The following DHTKD1 variants were observed in gnomAD, a reference collection of about 807,000 sequenced individuals.
The protein encoded by DHTKD1 is dehydrogenase E1 and transketolase domain containing 1.
A neutral mutation model predicts 101.8 loss-of-function variants in DHTKD1; 78 were observed. That is an observed-to-expected ratio of 0.77 (90% CI 0.64 to 0.93). DHTKD1 has a LOEUF of 0.93. Among genes scored for constraint, DHTKD1 ranks in the 40% least tolerant of loss-of-function variants. The probability of loss-of-function intolerance (pLI) is 0.00; values close to 1 mark genes in which losing one functional copy is unlikely to be tolerated. For synonymous variants in DHTKD1, 462 were observed against 450.3 expected (o/e 1.03, Z -0.33); for missense variants, 1,223 against 1,161.7 (o/e 1.05, Z -0.77).
chr10:12,118,888 C>T lies in DHTKD1; in HGVS notation c.2542C>T (p.Gln848Ter), dbSNP rs1257876078. Residue 848 changes from glutamine (Q) to a stop codon, truncating the protein, a stop_gained, in exon 15 of 17, where the codon CAA becomes TAA. Coordinates refer to ENST00000263035, the MANE Select transcript of DHTKD1 (RefSeq NM_018706.7). LOFTEE classifies it high-confidence loss of function. ...LCPFPLDSLQ[Q>*]EMSKYKHVKD... ...CCCCTTCCCGTTGGATTCTTTACAG[C>T]AAGAGATGAGCAAATACAAACATGT... is the stretch of plus-strand genomic sequence containing the variant. The T allele has an allele frequency of 1.3e-6, 2 of 1,597,680 alleles. No individual in the cohort carries two copies. Among genetic ancestry groups the T allele is most frequent in the Non-Finnish European group, 1.7e-6 (2 of 1,172,916 alleles).
chr10:12,087,424 TGGCCACTTGGGGAGTGTGG>T lies in DHTKD1; in HGVS notation c.523-105_523-87del. 1.2e-6 allele frequency: 1 copy of T among 836,070 alleles called. No homozygotes were observed. The highest frequency in any genetic ancestry group is 1.9e-6 in the Non-Finnish European group (1 of 533,252). The allele number at this position is 836,070 out of a possible 1,614,324, so 51.8% of individuals were successfully genotyped here. A position where few individuals can be genotyped will look rare whatever the true frequency, so the allele number is the denominator to read the frequency against. On this transcript the variant is annotated intron_variant, in intron 3 of 16. Transcript: ENST00000263035. The surrounding 1 kb of genome is among the most constrained non-coding windows in gnomAD (Gnocchi z 5.2). ...GATATGTAGTAAAGTGGCATTGCTG[TGGCCACTTGGGGAGTGTGG>T]GGCCATCTCACAACACACACAGACT...
At chr10:12,089,280 G>C (rs1246384153) in intron 5 of DHTKD1, 25 bp downstream of exon 5, 1 of 1,603,328 alleles carries the variant, frequency 6.2e-7, no homozygotes, top group Admixed American at 1.7e-5. Flanking sequence ...TGAAATTGAG[G>C]CCAGAGGTGG....
intron 1 of DHTKD1, among the ~76,000 whole-genome samples, chr10:12,080,710 GAA>G (rs35514505): frequency 1.5e-4 from 20 of 136,314 alleles, no homozygotes; most frequent in South Asian, 2.2e-4. Flanking sequence ...GACAATGTCT[GAA>G]AAAAAAAAAA....
intron 1 of DHTKD1, among the ~76,000 whole-genome samples, chr10:12,080,939 C>T (rs946657561): frequency 8.6e-5 from 13 of 151,374 alleles, no homozygotes; most frequent in South Asian, 2.1e-4. Context: ...TGGTGGTGCA[C>T]GCCTGTAGTC....
Position 12,084,768 on chromosome 10 carries a change from A to C in DHTKD1, c.522+17A>C, listed in dbSNP as rs777377827. 1.2e-6 allele frequency: 2 copies of C among 1,612,116 alleles called. No individual in the cohort carries two copies. The highest frequency in any genetic ancestry group is 1.7e-6 in the Non-Finnish European group (2 of 1,178,756). ...GAATCTCAGGTAAAAAGGAGCATCT[A>C]GGCCGGGCACGGTGGCTCATGCCTG... On this transcript the variant is annotated intron_variant, in intron 3 of 16. Transcript: ENST00000263035.
chr10:12,069,636 C>T, intron 1 of DHTKD1, among the ~76,000 whole-genome samples: 1 of 145,778 alleles, frequency 6.9e-6, no homozygotes, highest in Non-Finnish European at 1.5e-5. Context: ...TATCCTTCCA[C>T]CTCAGCGTCC....
chr10:12,099,178 G>A (rs7922007), intron 8 of DHTKD1, among the ~76,000 whole-genome samples: 111,591 of 150,992 alleles, frequency 0.74, 41,823 homozygotes, highest in South Asian at 0.88. Flanking sequence ...TCTCCAAAAA[G>A]AGGAAATTAA....
At position 12,103,592 on chromosome 10, in the gene DHTKD1, T is replaced by A. The variant is rs1171082790; in HGVS notation, c.1896+2411T>A. ...GTCCCACAGTGCAATTATAGCTCACTGTAGCCTCCAGCTCTTAGGCACAAG... is the reference window on the plus strand; with the variant it reads ...GTCCCACAGTGCAATTATAGCTCACAGTAGCCTCCAGCTCTTAGGCACAAG... On this transcript the variant is annotated intron_variant, in intron 10 of 16. Transcript: ENST00000263035. The surrounding 1 kb of genome is among the most constrained non-coding windows in gnomAD (Gnocchi z 4.8). Among the ~76,000 whole-genome samples, 2 of 151,892 alleles carry A rather than the reference T, an allele frequency of 1.3e-5. No homozygotes were observed. Among genetic ancestry groups the A allele is most frequent in the African/African-American group, 4.8e-5 (2 of 41,372 alleles).
intron 13 of DHTKD1, among the ~76,000 whole-genome samples, chr10:12,113,964 A>G (rs966536927): frequency 6.6e-6 from 1 of 151,524 alleles, no homozygotes; most frequent in Admixed American, 6.6e-5. Flanking sequence ...TCTAAGCACT[A>G]TTTTTTTTGA....
intron 6 of DHTKD1, 27 bp from the exon 7 acceptor site, chr10:12,094,046 G>T: frequency 6.2e-7 from 1 of 1,602,886 alleles, no homozygotes. Flanking sequence ...TAACTGTCCT[G>T]TTTCGGCTTG....
intron 7 of DHTKD1, among the ~76,000 whole-genome samples, chr10:12,095,187 G>A (rs920324774): frequency 6.6e-5 from 10 of 152,178 alleles, no homozygotes; most frequent in Non-Finnish European, 1.5e-4. Flanking sequence ...GAACCATGCT[G>A]TCCAAGATGG....
In DHTKD1 at chr10:12,116,929, G is replaced by A. The variant is rs115008950; in HGVS notation, c.2320-744G>A. On this transcript the variant is annotated intron_variant, in intron 13 of 16. Transcript: ENST00000263035. Reference sequence around the variant, plus strand: ...TTGCCTAGGCTGGTCTCAAACTTGTGAGTTCAAGCAATCCACCTGCCTCAG... The same window carrying A: ...TTGCCTAGGCTGGTCTCAAACTTGTAAGTTCAAGCAATCCACCTGCCTCAG... Among the ~76,000 whole-genome samples, 916 of 152,114 alleles carry A rather than the reference G, an allele frequency of 6.0e-3. 11 individuals carry two copies. The highest frequency in any genetic ancestry group is 0.021 in the African/African-American group (874 of 41,508).
chr10:12,100,289 T>G (rs1194003403), intron 9 of DHTKD1, 27 bp downstream of exon 9: 2 of 819,410 alleles, frequency 2.4e-6, no homozygotes, highest in Non-Finnish European at 1.8e-6. Flanking sequence ...TTTTTTCTGT[T>G]TTTTTTTTTT....
intron 15 of DHTKD1, among the ~76,000 whole-genome samples, chr10:12,119,582 C>G (rs1484751950): frequency 7.5e-5 from 11 of 146,448 alleles, no homozygotes; most frequent in African/African-American, 1.6e-4. Flanking sequence ...CGCTACTGCA[C>G]TCCAGCCTGG....
At chr10:12,073,637 T>C (rs1000039375) in intron 1 of DHTKD1, among the ~76,000 whole-genome samples, 1 of 152,180 alleles carries the variant, frequency 6.6e-6, no homozygotes, top group African/African-American at 2.4e-5. Flanking sequence ...CTAGCTTTTT[T>C]CTCATAAGCT....
rs146741810 is a variant in DHTKD1, at chr10:12,087,640, G to T, written c.628G>T (p.Ala210Ser). The T allele has an allele frequency of 4.2e-3, 6,841 of 1,614,084 alleles. 25 individuals carry two copies. The highest frequency in any genetic ancestry group is 5.1e-3 in the Non-Finnish European group (6,062 of 1,179,984). ...TTTCCACGAGCTGCTGAAAATGTCG[G>T]CCTACAGCGGGATCACTGATGTCAT... ...GFFHELLKMS[A>S]YSGITDVIIG... Residue 210 changes from alanine to serine, a missense_variant, in exon 4 of 17, where the codon GCC becomes TCC. By Grantham distance (99) the Ala-to-Ser change is moderately conservative. Coordinates refer to ENST00000263035, the MANE Select transcript of DHTKD1 (RefSeq NM_018706.7). This position sits in a 1 kb window ranked among gnomAD's most constrained non-coding sequence, Gnocchi z 5.2.
At position 12,123,037 on chromosome 10, in the gene DHTKD1, T is replaced by C. The variant is rs1204447935; in HGVS notation, c.*2149T>C. On this transcript the variant is annotated 3_prime_UTR_variant, in exon 17 of 17. Transcript: ENST00000263035. Reference sequence around the variant, plus strand: ...TTATCAATTTAACATTTCTCTAGTATTCATATCCCTTTTCTTACCATATAC... The same window carrying C: ...TTATCAATTTAACATTTCTCTAGTACTCATATCCCTTTTCTTACCATATAC... 6.6e-6 allele frequency: 1 copy of C among 152,218 alleles called. No individual in the cohort carries two copies. The allele number at this position is 152,218 out of a possible 1,614,324, so 9.4% of individuals were successfully genotyped here. A position where few individuals can be genotyped will look rare whatever the true frequency, so the allele number is the denominator to read the frequency against.
intron 1 of DHTKD1, among the ~76,000 whole-genome samples, chr10:12,072,849 G>A (rs896586896): frequency 3.3e-5 from 5 of 151,566 alleles, no homozygotes; most frequent in African/African-American, 1.2e-4. Context: ...TGATTCTCCT[G>A]CCTCAGCCTC....
chr10:12,100,961 G>T, intron 9 of DHTKD1, 81 bp from the exon 10 acceptor site: 2 of 1,419,654 alleles, frequency 1.4e-6, no homozygotes, highest in Non-Finnish European at 2.0e-6. Context: ...GATTAAGCCA[G>T]TATATAAGAA....
Sources: allele counts gnomAD v4.1 joint callset (sites outside exome capture counted in the v4.1 genomes callset), GRCh38; gene constraint gnomAD v4.1.1; non-coding constraint Gnocchi (gnomAD v3.1); transcripts MANE v1.5; gene names NCBI Gene and HGNC (gene_info 2026-07-23, HGNC 2026-07-21).